ANO1: variants seen among roughly 807,000 people sequenced by gnomAD.
ANO1 encodes the protein anoctamin 1, also known as anoctamin-1.
Under a neutral mutation model 124.0 loss-of-function variants are expected in ANO1, and 59 were observed. The ratio of observed to expected loss-of-function variants is 0.48; its 90% CI spans 0.39 to 0.59. The LOEUF (loss-of-function observed/expected upper bound fraction) is 0.59, where lower values mean the gene tolerates loss of function less well. Ranked by LOEUF, ANO1 falls within the 20% of genes least tolerant of loss-of-function variation. ANO1 has a pLI of 0.00. For missense variants in ANO1, 1,059 were observed against 1,328.0 expected (o/e 0.80, Z 3.15); for synonymous variants, 529 against 532.0 (o/e 0.99, Z 0.08).
chr11:70,073,033 C>T (rs994860691), intron 1 of ANO1: 3 of 152,236 alleles, frequency 2.0e-5, no homozygotes, highest in African/African-American at 4.8e-5. Context: ...AGACTGAAGC[C>T]GCCCGCCTCT....
chr11:70,084,991 G>A (rs1056898288), intron 1 of ANO1, among the ~76,000 whole-genome samples: 8 of 152,098 alleles, frequency 5.3e-5, no homozygotes, highest in East Asian at 1.9e-4. Flanking sequence ...GGGACTCAGC[G>A]AGATGACATA....
chr11:70,017,441 CCTT>C (rs1856721540), intron 1 of ANO1, among the ~76,000 whole-genome samples: 2 of 150,868 alleles, frequency 1.3e-5, no homozygotes, highest in Admixed American at 1.3e-4. Context: ...TTCCTTCCTT[CCTT>C]CATTCCTTCC....
At position 70,010,154 on chromosome 11, in the gene ANO1, T is replaced by C. The variant is rs1446249582; in HGVS notation, c.58+23988T>C. On this transcript the variant is annotated intron_variant, in intron 1 of 27. Coordinates refer to the ANO1 transcript ENST00000531349. ...TCCATGGTGTGTGTGTGTGTGTGTGTGTGTGTGTGTGCGCGTGTGTGTGTG... is the reference window on the plus strand; with the variant it reads ...TCCATGGTGTGTGTGTGTGTGTGTGCGTGTGTGTGTGCGCGTGTGTGTGTG... Among the ~76,000 whole-genome samples the C allele has an allele frequency of 5.1e-4, 33 of 64,366 alleles. 1 individual carries two copies. The highest frequency in any genetic ancestry group is 1.8e-3 in the African/African-American group (32 of 18,168). 42.2% of individuals were successfully genotyped at this position (64,366 alleles called of 152,430 possible).
At chr11:69,969,538 T>C in the ANO1 span, among the ~76,000 whole-genome samples, 30 of 152,186 alleles carry the variant, frequency 2.0e-4, no homozygotes, top group Non-Finnish European at 3.7e-4. Flanking sequence ...CTCTTTAGAC[T>C]AGGAACCTGA....
At chr11:70,056,407 A>G (rs1555006861) in intron 1 of ANO1, 1 of 152,040 alleles carries the variant, frequency 6.6e-6, no homozygotes, top group Non-Finnish European at 1.5e-5. Context: ...TCTTTTGAAA[A>G]TAGATGTCTT....
chr11:69,974,437 G>A, the ANO1 span, among the ~76,000 whole-genome samples: 2 of 152,196 alleles, frequency 1.3e-5, no homozygotes, highest in African/African-American at 2.4e-5. Flanking sequence ...ACAAACCTTG[G>A]GCTAGGTACT....
chr11:70,108,353 G>A lies in ANO1; in HGVS notation c.748G>A (p.Val250Ile), dbSNP rs1272730257. ...FFDSKTRSTI[V>I]YEILKRTTCT... Reference sequence around the variant, plus strand: ...ACCCCCCTTCTTGTCTCTGCAATAGGTCTATGAGATCTTGAAGAGAACGAC... The same window carrying A: ...ACCCCCCTTCTTGTCTCTGCAATAGATCTATGAGATCTTGAAGAGAACGAC... The change falls in exon 6 of 26, where the codon GTC becomes ATC. Residue 250 changes from valine (V) to isoleucine (I), a missense_variant and splice_region_variant. By Grantham distance (29) the Val-to-Ile change is conservative. Coordinates refer to ENST00000355303, the MANE Select transcript of ANO1 (RefSeq NM_018043.7). 1.2e-6 allele frequency: 2 copies of A among 1,611,624 alleles called. No homozygotes were observed. Among genetic ancestry groups the A allele is most frequent in the Admixed American group, 1.7e-5 (1 of 59,984 alleles).
intron 1 of ANO1, among the ~76,000 whole-genome samples, chr11:70,029,337 A>G (rs1555003553): frequency 6.7e-6 from 1 of 148,712 alleles, no homozygotes; most frequent in Admixed American, 6.6e-5. Flanking sequence ...GGGCCTGTGC[A>G]GTTGCCCTGC....
At chr11:70,090,074 T>A (rs961912787) in intron 2 of ANO1, among the ~76,000 whole-genome samples, 1 of 152,204 alleles carries the variant, frequency 6.6e-6, no homozygotes, top group Admixed American at 6.5e-5. Flanking sequence ...CAGGCTGGAG[T>A]GCAGTGGCAC....
At chr11:70,064,051 C>G (rs961515366) in intron 1 of ANO1, 3 of 152,244 alleles carry the variant, frequency 2.0e-5, no homozygotes, top group Non-Finnish European at 2.9e-5. Context: ...AGGACCGTCT[C>G]ATTGTACTGG....
chr11:70,166,811 T>C (rs1373476796), intron 20 of ANO1, among the ~76,000 whole-genome samples: 1 of 152,212 alleles, frequency 6.6e-6, no homozygotes, highest in Non-Finnish European at 1.5e-5. Context: ...AAAGAAATGA[T>C]GGCAAACAAG....
At chr11:69,990,583 C>T (rs1298895586) in intron 1 of ANO1, among the ~76,000 whole-genome samples, 1 of 152,198 alleles carries the variant, frequency 6.6e-6, no homozygotes, top group African/African-American at 2.4e-5. Flanking sequence ...TACACAATGG[C>T]TGCACCATTT....
chr11:70,054,452 C>G (rs1476323404), intron 1 of ANO1, among the ~76,000 whole-genome samples: 2 of 152,246 alleles, frequency 1.3e-5, no homozygotes, highest in African/African-American at 4.8e-5. Flanking sequence ...GGGTGGCAGG[C>G]ACCAGCTCCC....
the ANO1 span, among the ~76,000 whole-genome samples, chr11:69,976,845 C>T: frequency 6.6e-6 from 1 of 152,260 alleles, no homozygotes; most frequent in African/African-American, 2.4e-5. Context: ...ATGACAATTA[C>T]ATGACGGCTA....
At chr11:70,138,649 G>T (rs1321467139) in intron 11 of ANO1, among the ~76,000 whole-genome samples, 1 of 152,184 alleles carries the variant, frequency 6.6e-6, no homozygotes, top group Non-Finnish European at 1.5e-5. Flanking sequence ...ACCCCATCTG[G>T]CAGATGAACA....
intron 12 of ANO1, among the ~76,000 whole-genome samples, chr11:70,150,770 A>C (rs1197202977): frequency 6.6e-6 from 1 of 152,186 alleles, no homozygotes; most frequent in Non-Finnish European, 1.5e-5. Flanking sequence ...CCCTTTTAAA[A>C]AAAAAAGAAC....
In ANO1 at chr11:70,023,582, A is replaced by G. The variant is rs74439984; in HGVS notation, c.58+37416A>G. ...CTGAGATGGTCTAGTCGCTGCCAAC[A>G]TCAGGGCTTAGGGAAGTTGGCTTTT... On this transcript the variant is annotated intron_variant, in intron 1 of 27. Coordinates refer to the ANO1 transcript ENST00000531349. 8.5e-3 allele frequency among the ~76,000 whole-genome samples: 1,295 copies of G among 152,294 alleles called. 20 individuals are homozygous for G. The highest frequency in any genetic ancestry group is 0.03 in the African/African-American group (1,250 of 41,552).
chr11:69,976,935 C>CT, the ANO1 span, among the ~76,000 whole-genome samples: 1 of 152,202 alleles, frequency 6.6e-6, no homozygotes, highest in South Asian at 2.1e-4. Context: ...TTCATCCCCC[C>CT]GGGAGATGGC....
rs1157652413 is a variant in ANO1, at chr11:70,180,177, G to A, written c.2403+121G>A. ...GCCTCTAGCCATGGTGCAGCCCCAGGCTGCCCGGATTCTCTAGTTATAAAT... is the reference window on the plus strand; with the variant it reads ...GCCTCTAGCCATGGTGCAGCCCCAGACTGCCCGGATTCTCTAGTTATAAAT... On this transcript the variant is annotated intron_variant, in intron 23 of 25. Coordinates refer to ENST00000355303, the MANE Select transcript of ANO1 (RefSeq NM_018043.7). 3.3e-5 allele frequency: 30 copies of A among 916,112 alleles called. No individual in the cohort carries two copies. In the East Asian group the frequency reaches 7.4e-4, roughly 23 times the overall value. The allele number at this position is 916,112 out of a possible 1,614,324, so 56.7% of individuals were successfully genotyped here. A position where few individuals can be genotyped will look rare whatever the true frequency, so the allele number is the denominator to read the frequency against.
Sources: gnomAD v4.1 joint callset for allele counts (sites outside exome capture counted in the v4.1 genomes callset) on GRCh38, gnomAD v4.1.1 for gene constraint, MANE v1.5 for transcripts, NCBI Gene and HGNC (gene_info 2026-07-23, HGNC 2026-07-21) for gene names.